The following TRPM3 variants were observed in gnomAD, a reference collection of about 807,000 sequenced individuals.
TRPM3 encodes the protein long transient receptor potential channel 3.
A neutral mutation model predicts 181.2 loss-of-function variants in TRPM3; 77 were observed. That is an observed-to-expected ratio of 0.42 (90% CI 0.35 to 0.51). The LOEUF (loss-of-function observed/expected upper bound fraction) is 0.51. Ranked by LOEUF, TRPM3 falls within the 20% of genes least tolerant of loss-of-function variation. The pLI, the probability that TRPM3 is intolerant of heterozygous loss-of-function variation, is 0.01. For synonymous variants in TRPM3, 745 were observed against 796.4 expected (o/e 0.94, Z 1.09); for missense variants, 1,759 against 2,196.7 (o/e 0.80, Z 3.98).
At chr9:71,441,657 G>A (rs142073986) in intron 1 of TRPM3, among the ~76,000 whole-genome samples, 8 of 141,736 alleles carry the variant, frequency 5.6e-5, no homozygotes, top group East Asian at 4.0e-4. Flanking sequence ...TTTCTGAGAC[G>A]GAGTTTTACT....
intron 18 of TRPM3, 93 bp downstream of exon 18, chr9:70,615,815 T>C (rs1803833192): frequency 7.7e-7 from 1 of 1,298,716 alleles, no homozygotes; most frequent in Non-Finnish European, 1.1e-6. Flanking sequence ...AACAGATGTC[T>C]GACCTAAGGA....
intron 1 of TRPM3, among the ~76,000 whole-genome samples, chr9:71,075,067 T>A (rs2063276216): frequency 6.6e-6 from 1 of 152,166 alleles, no homozygotes; most frequent in South Asian, 2.1e-4. Context: ...CTAGAAGTCA[T>A]TGACTTCTAG....
chr9:71,295,374 A>G (rs1012228152), intron 1 of TRPM3, among the ~76,000 whole-genome samples: 1 of 147,072 alleles, frequency 6.8e-6, no homozygotes, highest in South Asian at 2.1e-4. Context: ...AAGGCTTGAA[A>G]AAAATACAAG....
chr9:70,561,477 A>T (rs562612272), intron 22 of TRPM3, among the ~76,000 whole-genome samples: 41 of 152,254 alleles, frequency 2.7e-4, no homozygotes, highest in African/African-American at 9.4e-4. Context: ...CTGTGGAAAC[A>T]TGAGGCTCTT....
intron 1 of TRPM3, among the ~76,000 whole-genome samples, chr9:71,120,051 G>C (rs987231311): frequency 7.2e-5 from 11 of 152,160 alleles, no homozygotes; most frequent in African/African-American, 2.7e-4. Flanking sequence ...TCTGTTGTGA[G>C]GCACCACTTA....
At chr9:71,080,000 A>G (rs954266466) in intron 1 of TRPM3, among the ~76,000 whole-genome samples, 5 of 151,908 alleles carry the variant, frequency 3.3e-5, no homozygotes, top group African/African-American at 1.2e-4. Context: ...GAGAAACCCC[A>G]TCTCTACTAA....
chr9:71,383,719 T>G (rs7037747), intron 1 of TRPM3, among the ~76,000 whole-genome samples: 252 of 152,324 alleles, frequency 1.7e-3, no homozygotes, highest in African/African-American at 5.7e-3. Flanking sequence ...TTTCCTAACA[T>G]AAACACATCA....
chr9:71,196,974 C>A (rs575848293), intron 1 of TRPM3, among the ~76,000 whole-genome samples: 1 of 148,428 alleles, frequency 6.7e-6, no homozygotes, highest in Non-Finnish European at 1.5e-5. Flanking sequence ...ACCCATTACT[C>A]GTCATTTAAC....
chr9:70,851,989 C>T (rs1164284316), intron 3 of TRPM3, among the ~76,000 whole-genome samples: 3 of 151,434 alleles, frequency 2.0e-5, no homozygotes, highest in Non-Finnish European at 4.4e-5. Flanking sequence ...TGCAGTGGCG[C>T]GCACCTGTAA....
intron 1 of TRPM3, among the ~76,000 whole-genome samples, chr9:71,217,575 T>C (rs1271841833): frequency 3.3e-5 from 5 of 152,190 alleles, no homozygotes. Context: ...TGTGTGCTGA[T>C]TAAAGCCATT....
At chr9:70,617,238 C>A (rs1036840264) in intron 17 of TRPM3, among the ~76,000 whole-genome samples, 4 of 152,316 alleles carry the variant, frequency 2.6e-5, no homozygotes, top group Admixed American at 2.6e-4. Flanking sequence ...TGAGAGCCAG[C>A]ATGACTCCCT....
chr9:70,591,778 T>C (rs2058154918), intron 21 of TRPM3, among the ~76,000 whole-genome samples: 1 of 152,192 alleles, frequency 6.6e-6, no homozygotes, highest in African/African-American at 2.4e-5. Flanking sequence ...AAATATCCAT[T>C]ATATTCTTAT....
chr9:70,635,481 T>TTA (rs2057016199), intron 11 of TRPM3, among the ~76,000 whole-genome samples: 1 of 150,698 alleles, frequency 6.6e-6, no homozygotes, highest in South Asian at 2.1e-4. Flanking sequence ...TTTTTTTTTT[T>TTA]TTGATACAGG....
At chr9:70,939,912 AAGAC>A (rs1274511721) in intron 1 of TRPM3, among the ~76,000 whole-genome samples, 1 of 152,220 alleles carries the variant, frequency 6.6e-6, no homozygotes, top group Non-Finnish European at 1.5e-5. Flanking sequence ...TGCATTCAAT[AAGAC>A]AGATTCTCCA....
At chr9:71,445,900 C>A (rs764598067) in intron 1 of TRPM3, among the ~76,000 whole-genome samples, 6 of 152,186 alleles carry the variant, frequency 3.9e-5, no homozygotes, top group Non-Finnish European at 5.9e-5. Context: ...TCTAGAACAG[C>A]GTTCTCTCCC....
chr9:70,539,170 C>G (rs908901473), intron 25 of TRPM3, among the ~76,000 whole-genome samples: 2 of 152,208 alleles, frequency 1.3e-5, no homozygotes, highest in Non-Finnish European at 2.9e-5. Context: ...TTAGGCTGGG[C>G]CCCTGCAGTC....
intron 1 of TRPM3, among the ~76,000 whole-genome samples, chr9:70,965,921 C>G (rs777822393): frequency 6.6e-6 from 1 of 151,254 alleles, no homozygotes; most frequent in African/African-American, 2.4e-5. Context: ...AGCTTCTATA[C>G]GGTAAACAAA....
intron 1 of TRPM3, among the ~76,000 whole-genome samples, chr9:71,432,449 C>T (rs1244221103): frequency 6.7e-6 from 1 of 149,770 alleles, no homozygotes; most frequent in African/African-American, 2.5e-5. Context: ...TTACTGTTAC[C>T]AGTGCATTCT....
At chr9:70,838,719 G>T (rs1176340591) in intron 5 of TRPM3, among the ~76,000 whole-genome samples, 2 of 152,162 alleles carry the variant, frequency 1.3e-5, no homozygotes, top group Non-Finnish European at 2.9e-5. Flanking sequence ...AAACCACAGA[G>T]GTGGAGCCAA....
Sources: gnomAD v4.1 joint callset for allele counts (sites outside exome capture counted in the v4.1 genomes callset) on GRCh38, gnomAD v4.1.1 for gene constraint, MANE v1.5 for transcripts, NCBI Gene and HGNC (gene_info 2026-07-23, HGNC 2026-07-21) for gene names.